ARHGAP20: variants seen among roughly 807,000 people sequenced by gnomAD.
ARHGAP20 encodes Rho GTPase activating protein 20.
A neutral mutation model predicts 73.7 loss-of-function variants in ARHGAP20; 34 were observed. The observed-to-expected ratio is 0.46, with a 90% CI of 0.35 to 0.61. The LOEUF is 0.61. Among genes scored for constraint, ARHGAP20 ranks in the 20% least tolerant of loss-of-function variants. The pLI is 0.00. For missense variants in ARHGAP20, 1,314 were observed against 1,420.9 expected, an observed-to-expected ratio of 0.92 and a Z score of 1.21; for synonymous variants, 523 against 518.2, an observed-to-expected ratio of 1.01 and a Z score of -0.13.
chr11:110,711,740 C>T, intron 1 of ARHGAP20: 9 of 1,376,960 alleles, frequency 6.5e-6, no homozygotes, highest in Non-Finnish European at 8.4e-6. Flanking sequence ...GCAGTCAGTG[C>T]TCGCCCAGGC....
chr11:110,615,818 G>C (rs949352519), intron 4 of ARHGAP20, among the ~76,000 whole-genome samples: 7 of 152,136 alleles, frequency 4.6e-5, no homozygotes, highest in Admixed American at 1.3e-4. Flanking sequence ...AATCCTTTTG[G>C]ATGGATCTAA....
intron 9 of ARHGAP20, among the ~76,000 whole-genome samples, chr11:110,603,657 C>T (rs1948159062): frequency 6.6e-6 from 1 of 152,136 alleles, no homozygotes; most frequent in Non-Finnish European, 1.5e-5. Flanking sequence ...ATCTCAAAAT[C>T]CATTTCACTA....
rs559349462 is a variant in ARHGAP20 at position 110,601,838 on chromosome 11, C to G, written c.964+4723G>C. ...ATCTCTACTAAAAATACAAAAAATA[C>G]TAATTTTTGTATTTGGTGGCAGGCG... On this transcript the variant is annotated intron_variant, in intron 9 of 14. Transcript: ENST00000683387. Among the ~76,000 whole-genome samples, 509 of 151,870 alleles carry G rather than the reference C, an allele frequency of 3.4e-3. 4 individuals are homozygous for G. The highest frequency in any genetic ancestry group is 6.0e-3 in the Non-Finnish European group (408 of 67,968).
intron 1 of ARHGAP20, among the ~76,000 whole-genome samples, chr11:110,692,546 T>G (rs1950263818): frequency 2.0e-5 from 3 of 152,114 alleles, no homozygotes; most frequent in African/African-American, 7.2e-5. Flanking sequence ...CTGCTTTCTC[T>G]AACCTTCTGA....
intron 8 of ARHGAP20, among the ~76,000 whole-genome samples, chr11:110,608,162 T>C (rs1948278833): frequency 6.6e-6 from 1 of 152,156 alleles, no homozygotes. Flanking sequence ...CATGAAATAA[T>C]GCATACAATA....
At chr11:110,669,057 A>G (rs902106468) in intron 2 of ARHGAP20, among the ~76,000 whole-genome samples, 4 of 152,182 alleles carry the variant, frequency 2.6e-5, no homozygotes, top group African/African-American at 9.6e-5. Context: ...GACTTTGGAT[A>G]TAGAAAAAAA....
chr11:110,612,357 G>A (rs189642573), intron 6 of ARHGAP20, among the ~76,000 whole-genome samples: 37 of 151,788 alleles, frequency 2.4e-4, no homozygotes, highest in African/African-American at 8.4e-4. Flanking sequence ...GAACCCGGGA[G>A]GCGGAGCTTG....
rs182857881 is a variant in ARHGAP20, at chr11:110,699,041, T to C, written c.106-8412A>G. Among the ~76,000 whole-genome samples, 287 of 152,070 alleles carry C rather than the reference T, an allele frequency of 1.9e-3. 1 individual carries two copies. Among genetic ancestry groups the C allele is most frequent in the Admixed American group, 3.2e-3 (49 of 15,222 alleles). On this transcript the variant is annotated intron_variant, in intron 1 of 14. Transcript: ENST00000683387. ...TTAAGATCTTTCTATCTTTTTGGTG[T>C]AGACATTTAAAGTTATAAACTTTCC...
intron 2 of ARHGAP20, among the ~76,000 whole-genome samples, chr11:110,657,918 GAGAGGAAGGA>G (rs1324191809): frequency 2.3e-5 from 3 of 129,920 alleles, no homozygotes; most frequent in African/African-American, 8.8e-5. Flanking sequence ...GAAAAAGAGA[GAGAGGAAGGA>G]AGGAAGGAAG....
chr11:110,607,564 T>C (rs1244220924), intron 8 of ARHGAP20, among the ~76,000 whole-genome samples: 2 of 152,196 alleles, frequency 1.3e-5, no homozygotes, highest in Non-Finnish European at 2.9e-5. Flanking sequence ...TATTCCTGAC[T>C]TATCACTAAA....
chr11:110,712,893 C>G (rs1395607816), upstream of ARHGAP20: 2 of 152,408 alleles, frequency 1.3e-5, no homozygotes, highest in African/African-American at 2.4e-5. Flanking sequence ...CGGAGGGAAT[C>G]CCCCACCCCA....
In ARHGAP20 at chr11:110,579,202, T is replaced by C. The variant is rs779507090; in HGVS notation, c.*168A>G. On this transcript the variant is annotated 3_prime_UTR_variant, in exon 15 of 15. Transcript: ENST00000683387. Reference sequence around the variant, plus strand: ...GTGACAAAATTTTTAGCATAAAGTATTTGTCAAGTAGTCTCAATAAAGAGA... The same window carrying C: ...GTGACAAAATTTTTAGCATAAAGTACTTGTCAAGTAGTCTCAATAAAGAGA... 32 of 1,312,122 alleles carry C rather than the reference T, an allele frequency of 2.4e-5. No individual in the cohort carries two copies. The highest frequency in any genetic ancestry group is 3.1e-5 in the Non-Finnish European group (32 of 1,029,068). The allele number at this position is 1,312,122 out of a possible 1,614,324, so 81.3% of individuals were successfully genotyped here. A position where few individuals can be genotyped will look rare whatever the true frequency, so the allele number is the denominator to read the frequency against.
rs1947403938 is a variant in ARHGAP20 at position 110,580,047 on chromosome 11, T to C, written c.2899A>G (p.Thr967Ala). 4.3e-6 allele frequency: 7 copies of C among 1,614,044 alleles called. No homozygotes were observed. The highest frequency in any genetic ancestry group is 5.9e-6 in the Non-Finnish European group (7 of 1,180,018). ...ATTGGAGAGGAAGTCTCAGTGGGTG[T>C]AAACACAGAGTGTTCAGAAATCTGA... ...FSQISEHSVF[T>A]PTETSSPIDC... The change falls in exon 15 of 15, where the codon ACA becomes GCA. Residue 967 changes from threonine (T) to alanine (A), a missense_variant. Thr to Ala is a moderately conservative substitution (Grantham distance 58). This residue lies in a region of ARHGAP20 where 641 missense variants were observed against 636.9 expected (regional missense o/e 1.01). Coordinates refer to ENST00000683387, the MANE Select transcript of ARHGAP20 (RefSeq NM_001384657.1).
At chr11:110,690,995 T>G in intron 1 of ARHGAP20, 1 of 1,528,072 alleles carries the variant, frequency 6.5e-7, no homozygotes, top group South Asian at 1.2e-5. Context: ...ATCCAAAATG[T>G]CATCCGGGTA....
At position 110,577,106 on chromosome 11, in the gene ARHGAP20, T is replaced by A. The variant is rs1043830217; in HGVS notation, c.*2264A>T. The A allele has an allele frequency of 7.0e-5, 108 of 1,532,360 alleles. No homozygotes were observed. The highest frequency in any genetic ancestry group is 9.1e-5 in the Non-Finnish European group (104 of 1,145,064). 94.9% of individuals were successfully genotyped at this position (1,532,360 alleles called of 1,614,324 possible). On this transcript the variant is annotated 3_prime_UTR_variant, in exon 15 of 15. Transcript: ENST00000683387. The stretch of plus-strand genomic sequence containing the variant: ...CAGCATGGACTTCATACATATCCAT[T>A]ATCAGTGCCTTGAAAACCAAACAAC...
intron 2 of ARHGAP20, among the ~76,000 whole-genome samples, chr11:110,661,695 T>C (rs1468631464): frequency 1.3e-5 from 2 of 152,124 alleles, no homozygotes; most frequent in East Asian, 3.8e-4. Flanking sequence ...ATGTTTTACT[T>C]CACACGAATA....
At chr11:110,637,598 G>T (rs1213374284) in intron 2 of ARHGAP20, among the ~76,000 whole-genome samples, 1 of 152,090 alleles carries the variant, frequency 6.6e-6, no homozygotes, top group East Asian at 1.9e-4. Flanking sequence ...AGTGATAAGG[G>T]CTGTCTTTGC....
chr11:110,692,405 C>T (rs932768150), intron 1 of ARHGAP20, among the ~76,000 whole-genome samples: 1 of 152,078 alleles, frequency 6.6e-6, no homozygotes, highest in African/African-American at 2.4e-5. Flanking sequence ...ACTCTCTATC[C>T]TGATTCTCTT....
rs921565733 is a variant in ARHGAP20, at chr11:110,690,865, A to C, written c.106-236T>G. ...AATAAGTATTTTTTGTGGTCAGAGA[A>C]TAAAGAGGTTAAATGTTTACCAGAA... On this transcript the variant is annotated intron_variant, in intron 1 of 14. Coordinates refer to ENST00000683387, the MANE Select transcript of ARHGAP20 (RefSeq NM_001384657.1). The C allele has an allele frequency of 4.9e-6, 5 of 1,016,624 alleles. No individual in the cohort carries two copies. The African/African-American group carries it at 8.2e-5, about 17-fold the overall frequency. 63.0% of individuals were successfully genotyped at this position (1,016,624 alleles called of 1,614,324 possible). A position where few individuals can be genotyped will look rare whatever the true frequency, so the allele number is the denominator to read the frequency against.
Sources: allele counts gnomAD v4.1 joint callset (sites outside exome capture counted in the v4.1 genomes callset), GRCh38; gene constraint gnomAD v4.1.1; regional missense constraint gnomAD v4.1.1; transcripts MANE v1.5; gene names NCBI Gene and HGNC (gene_info 2026-07-23, HGNC 2026-07-21).